Variants in NVL observed in about 807,000 individuals in gnomAD.
NVL encodes the protein nuclear VCP like, also known as nuclear valosin-containing protein-like.
NVL carries 84 observed loss-of-function variants against 110.2 expected under a neutral mutation model. The ratio of observed to expected loss-of-function variants is 0.76; its 90% CI spans 0.64 to 0.91. NVL has a LOEUF of 0.91. Among genes scored for constraint, NVL ranks in the 40% least tolerant of loss-of-function variants. The pLI is 0.00. For synonymous variants in NVL, 354 were observed against 361.1 expected (o/e 0.98, Z 0.22); for missense variants, 882 against 1,035.9 (o/e 0.85, Z 2.04).
At chr1:224,236,803 C>T (rs1001668732) in intron 19 of NVL, among the ~76,000 whole-genome samples, 27 of 152,070 alleles carry the variant, frequency 1.8e-4, no homozygotes, top group Middle Eastern at 3.2e-3. Context: ...CCCAGCTACT[C>T]GGGAGGCTGA....
At chr1:224,253,697 C>T (rs903905686) in intron 18 of NVL, among the ~76,000 whole-genome samples, 15 of 142,768 alleles carry the variant, frequency 1.1e-4, no homozygotes, top group Middle Eastern at 6.9e-3. Flanking sequence ...CAGGCCACTG[C>T]ACTCCAGCCT....
Position 224,323,536 on chromosome 1 carries a change from G to A in NVL, c.131+2855C>T, listed in dbSNP as rs138000191. On this transcript the variant is annotated intron_variant, in intron 2 of 22. Transcript: ENST00000281701. ...GGTTAAAGCAACAGAAACACTGCCA[G>A]CTTGGACTGAAGGGACCGAGATGGG... Among the ~76,000 whole-genome samples, 305 of 152,340 alleles carry A rather than the reference G, an allele frequency of 2.0e-3. 1 individual carries two copies. The highest frequency in any genetic ancestry group is 5.9e-3 in the African/African-American group (244 of 41,580).
intron 4 of NVL, among the ~76,000 whole-genome samples, chr1:224,316,662 CAA>C (rs71170004): frequency 9.0e-5 from 11 of 121,934 alleles, no homozygotes; most frequent in Non-Finnish European, 9.9e-5. Context: ...AACCCTGTCT[CAA>C]AAAAAAAAAA....
At chr1:224,250,509 T>C (rs1320746039) in intron 18 of NVL, among the ~76,000 whole-genome samples, 191 bp from the exon 19 acceptor site, 1 of 152,134 alleles carries the variant, frequency 6.6e-6, no homozygotes, top group Admixed American at 6.5e-5. Flanking sequence ...AGACTATAGA[T>C]GCATGCTATC....
chr1:224,250,993 G>T (rs977064599), intron 18 of NVL, among the ~76,000 whole-genome samples: 1 of 151,920 alleles, frequency 6.6e-6, no homozygotes, highest in African/African-American at 2.4e-5. Context: ...GCAATTAACG[G>T]CTGGGCGCGG....
intron 2 of NVL, among the ~76,000 whole-genome samples, chr1:224,320,492 C>T (rs1189317005): frequency 6.6e-6 from 1 of 151,996 alleles, no homozygotes; most frequent in Non-Finnish European, 1.5e-5. Flanking sequence ...ACTAAAAATA[C>T]AAAAATCAGC....
intron 2 of NVL, among the ~76,000 whole-genome samples, chr1:224,320,328 T>C (rs1670517512): frequency 6.6e-6 from 1 of 152,204 alleles, no homozygotes; most frequent in Non-Finnish European, 1.5e-5. Flanking sequence ...GGGTGTTCTT[T>C]GTACTATTTT....
intron 18 of NVL, among the ~76,000 whole-genome samples, chr1:224,263,948 G>T (rs1010583748): frequency 6.6e-6 from 1 of 152,210 alleles, no homozygotes; most frequent in Non-Finnish European, 1.5e-5. Flanking sequence ...CTGGGAGGCA[G>T]AAGTTGCGGT....
chr1:224,299,926 T>C (rs1002457186), intron 10 of NVL, among the ~76,000 whole-genome samples: 3 of 152,270 alleles, frequency 2.0e-5, no homozygotes, highest in African/African-American at 4.8e-5. Flanking sequence ...TCAGCTACTA[T>C]ATATTGTCAT....
Position 224,247,332 on chromosome 1 carries a change from A to G in NVL, c.2289+2880T>C, listed in dbSNP as rs114564011. ...GCCATCCTCCCACCTCAGCCTACCAAGTAGCTGGGACTACGGGTGCATGCC... is the reference window on the plus strand; with the variant it reads ...GCCATCCTCCCACCTCAGCCTACCAGGTAGCTGGGACTACGGGTGCATGCC... On this transcript the variant is annotated intron_variant, in intron 19 of 22. Transcript: ENST00000281701. 3.6e-3 allele frequency among the ~76,000 whole-genome samples: 545 copies of G among 152,030 alleles called. 6 individuals are homozygous for G. Among genetic ancestry groups the G allele is most frequent in the African/African-American group, 0.012 (507 of 41,498 alleles).
chr1:224,290,332 C>T (rs1016058453), intron 12 of NVL, among the ~76,000 whole-genome samples: 2 of 152,100 alleles, frequency 1.3e-5, no homozygotes, highest in Non-Finnish European at 2.9e-5. Flanking sequence ...CTGATAAGAC[C>T]TACTGAATAA....
At chr1:224,233,148 C>T in intron 21 of NVL, 53 bp downstream of exon 21, 1 of 1,462,576 alleles carries the variant, frequency 6.8e-7, no homozygotes, top group African/African-American at 1.4e-5. Context: ...TCCAGGGCAA[C>T]AGTGGTTTTA....
In NVL at chr1:224,233,250, G is replaced by C; in HGVS notation, c.2406C>G (p.Ile802Met). The change falls in exon 21 of 23, where the codon ATC (isoleucine) becomes ATG (methionine). Residue 802 changes from isoleucine to methionine, a missense_variant. Coordinates refer to ENST00000281701, the MANE Select transcript of NVL (RefSeq NM_002533.4). ...TTGCCATTTCCTGTCTCAGGGCACAGATAGAAGCTTCTCGTACCAAAGCAG... is the reference window on the plus strand; with the variant it reads ...TTGCCATTTCCTGTCTCAGGGCACACATAGAAGCTTCTCGTACCAAAGCAG... ...DLSALVREAS[I>M]CALRQEMARQ... The C allele has an allele frequency of 1.2e-6, 2 of 1,613,032 alleles. No individual in the cohort carries two copies. The highest frequency in any genetic ancestry group is 1.7e-6 in the Non-Finnish European group (2 of 1,179,682).
chr1:224,266,482 C>T (rs376806086), intron 18 of NVL, among the ~76,000 whole-genome samples: 30 of 152,336 alleles, frequency 2.0e-4, no homozygotes, highest in Admixed American at 5.9e-4. Flanking sequence ...TCTACCCTTT[C>T]GCCTTGGGGT....
chr1:224,281,542 A>T (rs1387023352), intron 15 of NVL, among the ~76,000 whole-genome samples: 1 of 151,388 alleles, frequency 6.6e-6, no homozygotes, highest in Non-Finnish European at 1.5e-5. Flanking sequence ...CCTCGTGATC[A>T]GCCTGCCTCG....
intron 17 of NVL, among the ~76,000 whole-genome samples, chr1:224,272,495 A>T (rs956502020): frequency 5.3e-5 from 8 of 152,086 alleles, no homozygotes; most frequent in Non-Finnish European, 1.5e-5. Flanking sequence ...AGGCGAGTGG[A>T]TCACCTGAGG....
intron 1 of NVL, 114 bp from the exon 2 acceptor site, chr1:224,326,578 T>C (rs1233455321): frequency 4.9e-6 from 3 of 608,534 alleles, no homozygotes; most frequent in Non-Finnish European, 8.6e-6. Context: ...TCTTCGTTAA[T>C]AAAGTGTACC....
At chr1:224,318,800 G>A (rs1331211909) in intron 2 of NVL, among the ~76,000 whole-genome samples, 9 of 150,946 alleles carry the variant, frequency 6.0e-5, no homozygotes, top group Admixed American at 1.3e-4. Context: ...TGGCTAACAC[G>A]GTGAAACCTC....
At chr1:224,281,634 A>G (rs183882919) in intron 15 of NVL, among the ~76,000 whole-genome samples, 1 of 150,748 alleles carries the variant, frequency 6.6e-6, no homozygotes, top group East Asian at 2.0e-4. Context: ...CTCCCTTTCT[A>G]TATTAATAGT....
Sources: allele counts gnomAD v4.1 joint callset (sites outside exome capture counted in the v4.1 genomes callset), GRCh38; gene constraint gnomAD v4.1.1; transcripts MANE v1.5; gene names NCBI Gene and HGNC (gene_info 2026-07-23, HGNC 2026-07-21).